DLC1: variants seen among roughly 807,000 people sequenced by gnomAD.
DLC1 encodes the protein rho GTPase-activating protein 7.
Under a neutral mutation model 140.3 loss-of-function variants are expected in DLC1, and 54 were observed. The ratio of observed to expected loss-of-function variants is 0.38; its 90% CI spans 0.31 to 0.48. The LOEUF (loss-of-function observed/expected upper bound fraction) is 0.48. Among genes scored for constraint, DLC1 ranks in the 20% least tolerant of loss-of-function variants. DLC1 has a pLI of 0.96. For synonymous variants in DLC1, 986 were observed against 728.1 expected (o/e 1.35, Z -5.70); for missense variants, 2,536 against 1,907.0 (o/e 1.33, Z -6.14).
intron 2 of DLC1, among the ~76,000 whole-genome samples, chr8:13,498,106 G>C (rs978552237): frequency 6.6e-6 from 1 of 152,164 alleles, no homozygotes; most frequent in Non-Finnish European, 1.5e-5. Flanking sequence ...AATGTATCAA[G>C]AGAGGGGCAA....
chr8:13,543,459 C>G (rs547154344), intron 1 of DLC1, among the ~76,000 whole-genome samples: 2 of 152,134 alleles, frequency 1.3e-5, no homozygotes, highest in African/African-American at 2.4e-5. Context: ...ATTGTTGGAT[C>G]AAATTGTAGA....
intron 5 of DLC1, among the ~76,000 whole-genome samples, chr8:13,136,952 G>A (rs1455984260): frequency 6.6e-6 from 1 of 152,114 alleles, no homozygotes; most frequent in African/African-American, 2.4e-5. Context: ...AGGGTTTTAC[G>A]AGGCTTGAAT....
At chr8:13,567,225 T>C in intron 1 of DLC1, 1 of 1,551,430 alleles carries the variant, frequency 6.4e-7, no homozygotes, top group Non-Finnish European at 8.7e-7. Flanking sequence ...ACTATAAAAA[T>C]TATGAAAAGA....
In DLC1 at chr8:13,135,235, C is replaced by T. The variant is rs1388816143; in HGVS notation, c.1349-19578G>A. ...TTTTTTTTTTTTTGAGACAAAGTCT[C>T]GCTGTGTCGCCCAGGCTGGAGTGCA... On this transcript the variant is annotated intron_variant, in intron 5 of 17. Transcript: ENST00000276297. Among the ~76,000 whole-genome samples the T allele has an allele frequency of 2.7e-5, 4 of 146,672 alleles. No individual in the cohort carries two copies. In the South Asian group the frequency reaches 6.6e-4, roughly 24 times the overall value.
intron 5 of DLC1, chr8:13,276,232 C>T (rs925328636): frequency 1.5e-5 from 23 of 1,534,306 alleles, no homozygotes; most frequent in Non-Finnish European, 1.7e-5. Context: ...ACCCCTCACC[C>T]CCGGTCTCCA....
intron 2 of DLC1, among the ~76,000 whole-genome samples, chr8:13,496,612 A>G (rs1801516445): frequency 1.3e-5 from 2 of 151,602 alleles, no homozygotes; most frequent in African/African-American, 4.9e-5. Context: ...ACACACACAC[A>G]TTTTGACATT....
chr8:13,513,884 G>A (rs567160605), intron 1 of DLC1, among the ~76,000 whole-genome samples: 1 of 152,128 alleles, frequency 6.6e-6, no homozygotes, highest in East Asian at 1.9e-4. Context: ...ATTGACTTCA[G>A]TTATTCAAAA....
chr8:13,105,592 CT>C (rs1270510962), intron 7 of DLC1, among the ~76,000 whole-genome samples: 453 of 140,896 alleles, frequency 3.2e-3, no homozygotes, highest in African/African-American at 3.9e-3. Context: ...TCTTTTTCTT[CT>C]TTTTTTTTTT....
At chr8:13,391,487 T>C (rs1836759369) in intron 4 of DLC1, among the ~76,000 whole-genome samples, 1 of 152,128 alleles carries the variant, frequency 6.6e-6, no homozygotes, top group Non-Finnish European at 1.5e-5. Flanking sequence ...ATTGCGATTG[T>C]GGGGTGGTCA....
At chr8:13,402,823 A>T (rs988904861) in intron 2 of DLC1, among the ~76,000 whole-genome samples, 5 of 152,202 alleles carry the variant, frequency 3.3e-5, no homozygotes, top group African/African-American at 1.2e-4. Flanking sequence ...CCCAGCCACC[A>T]TTAAAAGGCA....
At chr8:13,342,501 T>G (rs1449405361) in intron 4 of DLC1, 3 of 152,144 alleles carry the variant, frequency 2.0e-5, no homozygotes, top group African/African-American at 7.2e-5. Context: ...TAAGGCAGAG[T>G]AGGCTTTGTA....
intron 1 of DLC1, among the ~76,000 whole-genome samples, chr8:13,553,832 GTTAAT>G (rs1803949695): frequency 6.6e-6 from 1 of 152,082 alleles, no homozygotes. Context: ...AATTCTAATA[GTTAAT>G]TCTTAGCCCT....
chr8:13,485,664 C>T (rs922139097), intron 2 of DLC1, among the ~76,000 whole-genome samples: 5 of 152,294 alleles, frequency 3.3e-5, no homozygotes, highest in East Asian at 1.9e-4. Context: ...AATTAAATCT[C>T]GTAATCTACA....
At chr8:13,443,863 A>G (rs1201536140) in intron 2 of DLC1, among the ~76,000 whole-genome samples, 1 of 152,086 alleles carries the variant, frequency 6.6e-6, no homozygotes, top group Non-Finnish European at 1.5e-5. Flanking sequence ...GTGTTCCTAA[A>G]ACAAACGTCA....
chr8:13,188,255 T>C (rs1826502006), intron 5 of DLC1, among the ~76,000 whole-genome samples: 1 of 151,272 alleles, frequency 6.6e-6, no homozygotes, highest in Non-Finnish European at 1.5e-5. Flanking sequence ...CTAATTTTTG[T>C]ATTGTTAGTA....
chr8:13,264,324 C>T (rs1366993227), intron 5 of DLC1, among the ~76,000 whole-genome samples: 2 of 152,084 alleles, frequency 1.3e-5, no homozygotes, highest in African/African-American at 4.8e-5. Context: ...CCACCTACCT[C>T]GGCCTCCCAC....
intron 5 of DLC1, among the ~76,000 whole-genome samples, chr8:13,170,656 G>A (rs1825407093): frequency 6.6e-6 from 1 of 151,406 alleles, no homozygotes; most frequent in South Asian, 2.1e-4. Flanking sequence ...CGTGAACCCG[G>A]GAGGCGGAGC....
intron 5 of DLC1, among the ~76,000 whole-genome samples, chr8:13,255,090 C>A (rs1183186778): frequency 2.0e-5 from 3 of 152,044 alleles, no homozygotes; most frequent in Non-Finnish European, 2.9e-5. Flanking sequence ...GATTCTCCTG[C>A]CTCAGCCTCC....
chr8:13,373,985 G>C (rs1835846070), intron 4 of DLC1, among the ~76,000 whole-genome samples: 1 of 152,136 alleles, frequency 6.6e-6, no homozygotes, highest in Non-Finnish European at 1.5e-5. Context: ...TGTCATCTAA[G>C]TTTGATTGTT....
Sources: gnomAD v4.1 joint callset for allele counts (sites outside exome capture counted in the v4.1 genomes callset) on GRCh38, gnomAD v4.1.1 for gene constraint, MANE v1.5 for transcripts, NCBI Gene and HGNC (gene_info 2026-07-23, HGNC 2026-07-21) for gene names.